The following GALNTL6 variants were observed in gnomAD, a reference collection of about 807,000 sequenced individuals.
GALNTL6 encodes the protein polypeptide N-acetylgalactosaminyltransferase-like 6.
GALNTL6 carries 46 observed loss-of-function variants against 73.7 expected under a neutral mutation model. The ratio of observed to expected loss-of-function variants is 0.62; its 90% confidence interval spans 0.49 to 0.80. The LOEUF (loss-of-function observed/expected upper bound fraction) is 0.80. GALNTL6 is among the 30% of genes least tolerant of loss of function. GALNTL6 has a pLI of 0.00. For missense variants in GALNTL6, 604 were observed against 755.0 expected, an observed-to-expected ratio of 0.80 and a Z score of 2.34; for synonymous variants, 259 against 263.7, an observed-to-expected ratio of 0.98 and a Z score of 0.17.
chr4:171,968,554 T>A (rs1028446000), intron 2 of GALNTL6, among the ~76,000 whole-genome samples: 1 of 152,218 alleles, frequency 6.6e-6, no homozygotes, highest in Non-Finnish European at 1.5e-5. Context: ...TTTACCTTTA[T>A]TACATCTGCA....
At chr4:172,177,834 C>CATATATGTGTGTGTATATATACACACAA (rs1560955704) in intron 2 of GALNTL6, among the ~76,000 whole-genome samples, 2 of 68,430 alleles carry the variant, frequency 2.9e-5, no homozygotes, top group African/African-American at 5.4e-5. Flanking sequence ...TATACACACA[C>CATATATGTGTGTGTATATATACACACAA]ATATATATGT....
At chr4:172,438,998 T>C (rs1193650360) in intron 5 of GALNTL6, among the ~76,000 whole-genome samples, 1 of 152,036 alleles carries the variant, frequency 6.6e-6, no homozygotes, top group Non-Finnish European at 1.5e-5. Flanking sequence ...GCCTTCCTCT[T>C]TACCTCTCGA....
chr4:172,424,292 C>T, intron 5 of GALNTL6, among the ~76,000 whole-genome samples: 1 of 151,888 alleles, frequency 6.6e-6, no homozygotes, highest in East Asian at 1.9e-4. Context: ...GAATATTTTA[C>T]ATATCATGAG....
At chr4:171,964,510 T>G (rs1739326742) in intron 2 of GALNTL6, among the ~76,000 whole-genome samples, 1 of 152,306 alleles carries the variant, frequency 6.6e-6, no homozygotes, top group South Asian at 2.1e-4. Flanking sequence ...CACCAAGAAA[T>G]TAAAAACTTT....
At chr4:172,220,066 C>G (rs1736622259) in intron 2 of GALNTL6, among the ~76,000 whole-genome samples, 1 of 151,828 alleles carries the variant, frequency 6.6e-6, no homozygotes, top group Admixed American at 6.6e-5. Context: ...TATTGTCTCT[C>G]AAACTCAGCA....
intron 5 of GALNTL6, among the ~76,000 whole-genome samples, chr4:172,679,304 G>A (rs543324077): frequency 9.3e-4 from 142 of 152,044 alleles, no homozygotes; most frequent in African/African-American, 2.9e-3. Flanking sequence ...GCAGCCACTC[G>A]GGAGGCTGAT....
chr4:171,921,668 A>G lies in GALNTL6; in HGVS notation c.138+106950A>G, dbSNP rs148078905. 4.9e-4 allele frequency among the ~76,000 whole-genome samples: 75 copies of G among 152,208 alleles called. 1 individual carries two copies. The East Asian group carries it at 0.014, about 27-fold the overall frequency. Reference sequence around the variant, plus strand: ...ATTGATTGTCAAATATTCTGAGAACAATTTTTATTGCAAATTATTTCTTCA... The same window carrying G: ...ATTGATTGTCAAATATTCTGAGAACGATTTTTATTGCAAATTATTTCTTCA... On this transcript the variant is annotated intron_variant, in intron 2 of 12. Coordinates refer to ENST00000506823, the MANE Select transcript of GALNTL6 (RefSeq NM_001034845.3).
chr4:172,649,509 G>A (rs1206969734), intron 5 of GALNTL6, among the ~76,000 whole-genome samples: 1 of 152,168 alleles, frequency 6.6e-6, no homozygotes, highest in Admixed American at 6.5e-5. Flanking sequence ...ATCCCATGAT[G>A]ATGTGCTCTC....
intron 5 of GALNTL6, among the ~76,000 whole-genome samples, chr4:172,539,736 G>A (rs560341587): frequency 6.6e-6 from 1 of 151,644 alleles, no homozygotes; most frequent in African/African-American, 2.4e-5. Flanking sequence ...GGCTTGTCAT[G>A]GGCAGAATTA....
intron 3 of GALNTL6, among the ~76,000 whole-genome samples, chr4:172,288,603 A>G (rs898749763): frequency 5.3e-5 from 8 of 152,206 alleles, no homozygotes; most frequent in African/African-American, 1.9e-4. Context: ...GTTATAAAGC[A>G]GTTTCCATAT....
chr4:172,096,539 A>T (rs935903178), intron 2 of GALNTL6, among the ~76,000 whole-genome samples: 2 of 53,684 alleles, frequency 3.7e-5, no homozygotes, highest in Admixed American at 1.4e-4. Context: ...CCCTTTTTAT[A>T]AAAAAAAAAC....
rs561461797 is a variant in GALNTL6 at position 172,490,721 on chromosome 4, A to T, written c.553+142032A>T. ...GTGTGCCAGTATTAATCATTTTAAT[A>T]GTGAGAAAGATAAGAGAAGCAGACC... is the stretch of plus-strand genomic sequence containing the variant. On this transcript the variant is annotated intron_variant, in intron 5 of 12. Coordinates refer to ENST00000506823, the MANE Select transcript of GALNTL6 (RefSeq NM_001034845.3). 3.2e-4 allele frequency among the ~76,000 whole-genome samples: 49 copies of T among 152,272 alleles called. 1 individual carries two copies. The Middle Eastern group carries it at 0.017, about 53-fold the overall frequency.
chr4:172,156,553 A>ATATATATATATATATATATATATATAGTG (rs1553997725), intron 2 of GALNTL6, among the ~76,000 whole-genome samples: 1 of 137,610 alleles, frequency 7.3e-6, no homozygotes, highest in Admixed American at 7.2e-5. Flanking sequence ...ATATATATAT[A>ATATATATATATATATATATATATATAGTG]TATATATATA....
At chr4:172,864,635 G>A (rs141883887) in intron 7 of GALNTL6, among the ~76,000 whole-genome samples, 95 of 152,250 alleles carry the variant, frequency 6.2e-4, no homozygotes, top group African/African-American at 2.1e-3. Flanking sequence ...TTTTAGGGCT[G>A]CTTAAGATAA....
intron 5 of GALNTL6, among the ~76,000 whole-genome samples, chr4:172,741,699 A>G (rs1390264682): frequency 2.6e-5 from 4 of 151,930 alleles, no homozygotes; most frequent in African/African-American, 9.7e-5. Context: ...ATTAATAACT[A>G]TTCTAGTCCA....
At chr4:172,265,020 T>G (rs1382713143) in intron 3 of GALNTL6, among the ~76,000 whole-genome samples, 2 of 151,988 alleles carry the variant, frequency 1.3e-5, no homozygotes, top group Non-Finnish European at 2.9e-5. Flanking sequence ...TTGTTAGTGA[T>G]AATTCTTACT....
intron 2 of GALNTL6, among the ~76,000 whole-genome samples, chr4:172,187,032 T>A (rs1735436041): frequency 6.6e-6 from 1 of 152,102 alleles, no homozygotes; most frequent in Non-Finnish European, 1.5e-5. Flanking sequence ...AACTTAAAGT[T>A]TATTTTAACC....
At chr4:172,300,036 A>G (rs1371949603) in intron 3 of GALNTL6, among the ~76,000 whole-genome samples, 1 of 152,162 alleles carries the variant, frequency 6.6e-6, no homozygotes, top group Admixed American at 6.5e-5. Flanking sequence ...GACTTGCTTT[A>G]TGAATCTGGG....
intron 5 of GALNTL6, among the ~76,000 whole-genome samples, chr4:172,779,469 C>G (rs749431760): frequency 6.6e-6 from 1 of 152,188 alleles, no homozygotes; most frequent in East Asian, 1.9e-4. Flanking sequence ...ATGTTTAGAG[C>G]TTCTAGCCAT....
Sources: allele counts gnomAD v4.1 joint callset (sites outside exome capture counted in the v4.1 genomes callset), GRCh38; gene constraint gnomAD v4.1.1; transcripts MANE v1.5; gene names NCBI Gene and HGNC (gene_info 2026-07-23, HGNC 2026-07-21).